Variants in GALNT17 observed in about 807,000 individuals in gnomAD.
The protein encoded by GALNT17 is polypeptide N-acetylgalactosaminyltransferase 17, also known as UDP-GalNAc:polypeptide N-acetylgalactosaminyltransferase-like 3.
Under a neutral mutation model 63.7 loss-of-function variants are expected in GALNT17, and 29 were observed. The observed-to-expected ratio is 0.46, with a 90% CI of 0.34 to 0.62. The LOEUF is 0.62. GALNT17 is among the 20% of genes least tolerant of loss of function. GALNT17 has a pLI of 0.01. For missense variants in GALNT17, 603 were observed against 799.6 expected (o/e 0.75, Z 2.97); for synonymous variants, 305 against 318.3 (o/e 0.96, Z 0.45).
intron 6 of GALNT17, among the ~76,000 whole-genome samples, chr7:71,572,821 G>C (rs1362832617): frequency 6.6e-6 from 1 of 152,000 alleles, no homozygotes. Flanking sequence ...AGGCTTGGTG[G>C]TGATGGTGGT....
intron 7 of GALNT17, among the ~76,000 whole-genome samples, chr7:71,666,355 A>T (rs1376598862): frequency 6.7e-6 from 1 of 148,438 alleles, no homozygotes; most frequent in Non-Finnish European, 1.5e-5. Context: ...TATATAAAAT[A>T]TATAATATAA....
chr7:71,283,966 A>G (rs1158966753), intron 1 of GALNT17: 1 of 152,244 alleles, frequency 6.6e-6, no homozygotes, highest in Non-Finnish European at 1.5e-5. Flanking sequence ...AAATGGACCA[A>G]TCAGCACTCT....
intron 5 of GALNT17, among the ~76,000 whole-genome samples, chr7:71,511,916 A>G (rs1225118167): frequency 6.6e-6 from 1 of 152,054 alleles, no homozygotes; most frequent in African/African-American, 2.4e-5. Flanking sequence ...CTCTTAGGAC[A>G]CATGTCCCAT....
At chr7:71,188,621 C>G (rs1788895752) in intron 1 of GALNT17, among the ~76,000 whole-genome samples, 2 of 152,156 alleles carry the variant, frequency 1.3e-5, no homozygotes, top group African/African-American at 4.8e-5. Flanking sequence ...ATTGTAGATT[C>G]TGGATATTAA....
intron 9 of GALNT17, among the ~76,000 whole-genome samples, chr7:71,682,995 G>T (rs1791290886): frequency 6.6e-6 from 1 of 152,076 alleles, no homozygotes; most frequent in South Asian, 2.1e-4. Flanking sequence ...AGCACAGTGT[G>T]GCCCCTTTGT....
intron 3 of GALNT17, among the ~76,000 whole-genome samples, chr7:71,389,678 C>A (rs1337023110): frequency 6.6e-6 from 1 of 152,082 alleles, no homozygotes; most frequent in Non-Finnish European, 1.5e-5. Context: ...GAGCTGAATT[C>A]CTCCTCCACT....
chr7:71,479,449 C>T (rs953383683), intron 5 of GALNT17, among the ~76,000 whole-genome samples: 1 of 152,186 alleles, frequency 6.6e-6, no homozygotes, highest in Non-Finnish European at 1.5e-5. Context: ...GATTATAGCT[C>T]AGCATGGTTC....
chr7:71,493,532 A>G (rs541315172), intron 5 of GALNT17, among the ~76,000 whole-genome samples: 101 of 152,298 alleles, frequency 6.6e-4, no homozygotes, highest in African/African-American at 2.2e-3. Context: ...AGGGCAGCAG[A>G]CAAGAGAGAA....
At chr7:71,225,000 G>A (rs1382677594) in intron 1 of GALNT17, among the ~76,000 whole-genome samples, 4 of 152,006 alleles carry the variant, frequency 2.6e-5, no homozygotes, top group African/African-American at 9.7e-5. Context: ...TTGAGACAGA[G>A]TCTCCCTCTG....
intron 6 of GALNT17, among the ~76,000 whole-genome samples, chr7:71,653,016 GTTTTT>G (rs1303543916): frequency 8.6e-5 from 13 of 150,950 alleles, no homozygotes; most frequent in Non-Finnish European, 1.8e-4. Flanking sequence ...GTTTGTGTTT[GTTTTT>G]GTTTTTGTTT....
At chr7:71,139,401 C>A (rs531411579) in intron 1 of GALNT17, among the ~76,000 whole-genome samples, 1 of 152,234 alleles carries the variant, frequency 6.6e-6, no homozygotes, top group Admixed American at 6.5e-5. Context: ...GAAATGCAAT[C>A]GATTCAACTT....
At chr7:71,543,775 C>G (rs1357592646) in intron 5 of GALNT17, among the ~76,000 whole-genome samples, 1 of 144,282 alleles carries the variant, frequency 6.9e-6, no homozygotes, top group Non-Finnish European at 1.5e-5. Context: ...TTAACTTTTT[C>G]TTTCTTCCTT....
At chr7:71,416,349 C>T (rs916863697) in intron 4 of GALNT17, among the ~76,000 whole-genome samples, 6 of 152,162 alleles carry the variant, frequency 3.9e-5, no homozygotes, top group East Asian at 1.9e-4. Context: ...TGGTGGCTTG[C>T]GCCTGTAATC....
intron 5 of GALNT17, among the ~76,000 whole-genome samples, chr7:71,546,842 C>T (rs1265715237): frequency 6.6e-6 from 1 of 152,268 alleles, no homozygotes; most frequent in East Asian, 1.9e-4. Flanking sequence ...TACCACTGGG[C>T]AAGGGCACCA....
intron 1 of GALNT17, among the ~76,000 whole-genome samples, chr7:71,255,602 A>T (rs184811017): frequency 1.3e-5 from 2 of 152,316 alleles, no homozygotes; most frequent in Admixed American, 6.5e-5. Context: ...CCTGCATAAG[A>T]TTCATTTGTA....
intron 1 of GALNT17, among the ~76,000 whole-genome samples, chr7:71,292,019 CT>C (rs1444209951): frequency 6.6e-6 from 1 of 152,074 alleles, no homozygotes; most frequent in Non-Finnish European, 1.5e-5. Flanking sequence ...CTGTTAATTT[CT>C]TTCTGGGAAC....
chr7:71,515,350 T>C (rs1788428230), intron 5 of GALNT17, among the ~76,000 whole-genome samples: 1 of 152,182 alleles, frequency 6.6e-6, no homozygotes, highest in Admixed American at 6.5e-5. Flanking sequence ...GGAATGCAGC[T>C]GGAAGGGGAT....
At chr7:71,695,134 G>A (rs898174053) in intron 9 of GALNT17, among the ~76,000 whole-genome samples, 6 of 152,134 alleles carry the variant, frequency 3.9e-5, no homozygotes, top group Non-Finnish European at 7.4e-5. Context: ...AGTGGACTAC[G>A]CATTCCCTCT....
At chr7:71,672,671 C>G (rs1305583632) in intron 8 of GALNT17, among the ~76,000 whole-genome samples, 5 of 152,178 alleles carry the variant, frequency 3.3e-5, no homozygotes, top group Admixed American at 2.6e-4. Flanking sequence ...CCTGTCTCAG[C>G]CTCCCGAGTA....
Sources: allele counts gnomAD v4.1 joint callset (sites outside exome capture counted in the v4.1 genomes callset), GRCh38; gene constraint gnomAD v4.1.1; transcripts MANE v1.5; gene names NCBI Gene and HGNC (gene_info 2026-07-23, HGNC 2026-07-21).